The following FASTKD1 variants were observed in gnomAD, a reference collection of about 807,000 sequenced individuals.
The protein encoded by FASTKD1 is FAST kinase domain-containing protein 1, mitochondrial.
FASTKD1 carries 94 observed loss-of-function variants against 90.9 expected under a neutral mutation model. That is an observed-to-expected ratio of 1.03 (90% CI 0.88 to 1.23). FASTKD1 has a LOEUF of 1.23. FASTKD1 is among the 50% of genes most tolerant of loss of function. The pLI is 0.00. For synonymous variants in FASTKD1, 319 were observed against 345.8 expected (o/e 0.92, Z 0.86); for missense variants, 945 against 993.5 (o/e 0.95, Z 0.66).
rs1683238460 is a variant in FASTKD1 at position 169,555,131 on chromosome 2, G to C, written c.1207C>G (p.Leu403Val). ...TTTCTATTTTAATCTTACCTAAGCA[G>C]TAATTCTCTAAGTTTCGCAAAAAAC... ...KEFFAKLREL[L>V]LSYLKNSFIP... The change falls in exon 7 of 15, where the codon CTG becomes GTG. Residue 403 changes from leucine (L) to valine (V), a missense_variant. By Grantham distance (32) the Leu-to-Val change is conservative. Coordinates refer to ENST00000453153, the MANE Select transcript of FASTKD1 (RefSeq NM_024622.6). The C allele has an allele frequency of 6.2e-7, 1 of 1,608,208 alleles. No individual in the cohort carries two copies. The highest frequency in any genetic ancestry group is 8.5e-7 in the Non-Finnish European group (1 of 1,178,340).
rs747327499 is a variant in FASTKD1, at chr2:169,546,373, G to A, written c.1546C>T (p.Leu516Phe). The part of the protein sequence containing the change: ...SLKGNTFPES[L>F]LEEMIATLQH... The stretch of plus-strand genomic sequence containing the variant: ...AAAGTAGCAATCATTTCTTCAAGAA[G>A]TGACTCAGGAAACGTGTTTCCTTTG... Residue 516 changes from leucine to phenylalanine, a missense_variant, in exon 8 of 15, where the codon CTT becomes TTT. Physicochemically the swap from Leu to Phe is conservative, Grantham distance 22. Coordinates refer to ENST00000453153, the MANE Select transcript of FASTKD1 (RefSeq NM_024622.6). 7.4e-6 allele frequency: 12 copies of A among 1,614,072 alleles called. No homozygotes were observed. The highest frequency in any genetic ancestry group is 9.3e-6 in the Non-Finnish European group (11 of 1,179,980).
intron 13 of FASTKD1, chr2:169,531,042 T>A: frequency 1.5e-6 from 1 of 671,534 alleles, no homozygotes; most frequent in Non-Finnish European, 2.8e-6. Flanking sequence ...GTTACTGTAA[T>A]GCAGTGTAGG....
chr2:169,560,888 G>T (rs1270961614), intron 4 of FASTKD1, 103 bp from the exon 5 acceptor site: 5 of 924,100 alleles, frequency 5.4e-6, no homozygotes, highest in Non-Finnish European at 7.2e-6. Flanking sequence ...TTGCTATGTT[G>T]CCAGGGCTGG....
intron 2 of FASTKD1, among the ~76,000 whole-genome samples, chr2:169,570,749 C>T (rs549858539): frequency 1.3e-5 from 2 of 149,042 alleles, no homozygotes; most frequent in African/African-American, 4.9e-5. Context: ...GATCTGTGCT[C>T]ACTGCAACCT....
intron 6 of FASTKD1, among the ~76,000 whole-genome samples, chr2:169,556,606 T>C (rs1164245895): frequency 6.6e-6 from 1 of 151,984 alleles, no homozygotes; most frequent in Non-Finnish European, 1.5e-5. Context: ...GGTGGATCAC[T>C]TGAGGTCAGG....
At chr2:169,563,172 TC>T (rs1469139091) in intron 4 of FASTKD1, 52 bp downstream of exon 4, 3 of 1,567,546 alleles carry the variant, frequency 1.9e-6, no homozygotes, top group Non-Finnish European at 2.6e-6. Context: ...TGCATCCACA[TC>T]CAAAGCCCAG....
chr2:169,551,992 T>C (rs927607102), intron 7 of FASTKD1, among the ~76,000 whole-genome samples: 2 of 152,194 alleles, frequency 1.3e-5, no homozygotes, highest in Admixed American at 6.5e-5. Context: ...ATGAAAACTC[T>C]GGGTTCTTTG....
At chr2:169,560,113 G>A (rs1441000744) in intron 5 of FASTKD1, among the ~76,000 whole-genome samples, 1 of 152,134 alleles carries the variant, frequency 6.6e-6, no homozygotes, top group Non-Finnish European at 1.5e-5. Flanking sequence ...TAGCACAAAA[G>A]GGAGAATAAA....
At chr2:169,552,959 C>A (rs1168446059) in intron 7 of FASTKD1, among the ~76,000 whole-genome samples, 2 of 152,110 alleles carry the variant, frequency 1.3e-5, no homozygotes, top group Non-Finnish European at 2.9e-5. Context: ...GTAATCCCAG[C>A]ACTTTCGGAG....
chr2:169,571,204 C>G (rs896211549), intron 2 of FASTKD1: 9 of 150,536 alleles, frequency 6.0e-5, no homozygotes, highest in Admixed American at 2.0e-4. Flanking sequence ...CAAAACAAAA[C>G]AAAACAAAAC....
At chr2:169,570,429 G>A (rs1324228049) in intron 2 of FASTKD1, among the ~76,000 whole-genome samples, 1 of 151,816 alleles carries the variant, frequency 6.6e-6, no homozygotes, top group Non-Finnish European at 1.5e-5. Context: ...CTGACACCAA[G>A]GAAGCCCTTC....
At chr2:169,534,729 G>T (rs1194414800) in intron 12 of FASTKD1, among the ~76,000 whole-genome samples, 1 of 152,104 alleles carries the variant, frequency 6.6e-6, no homozygotes, top group African/African-American at 2.4e-5. Context: ...AAAGTGCTGG[G>T]ATTACAGGCG....
In FASTKD1 at chr2:169,529,699, T is replaced by C. The variant is rs568676824; in HGVS notation, c.*126A>G. 4.5e-4 allele frequency: 292 copies of C among 645,624 alleles called. No individual in the cohort carries two copies. The African/African-American group carries it at 4.8e-3, about 11-fold the overall frequency. The allele number at this position is 645,624 out of a possible 1,614,324, so 40.0% of individuals were successfully genotyped here. A position where few individuals can be genotyped will look rare whatever the true frequency, so the allele number is the denominator to read the frequency against. On this transcript the variant is annotated 3_prime_UTR_variant, in exon 15 of 15. Coordinates refer to ENST00000453153, the MANE Select transcript of FASTKD1 (RefSeq NM_024622.6). ...TGCTCCAGCCACACTGGATCCTTTG[T>C]TATTCTCAAACATGCCAGGCATGTT...
intron 7 of FASTKD1, among the ~76,000 whole-genome samples, chr2:169,551,392 C>T (rs1215220250): frequency 6.6e-6 from 1 of 151,666 alleles, no homozygotes; most frequent in African/African-American, 2.4e-5. Flanking sequence ...TATCCATCAA[C>T]AATAGAATAA....
intron 5 of FASTKD1, among the ~76,000 whole-genome samples, chr2:169,558,854 G>T (rs970631809): frequency 6.6e-6 from 1 of 152,038 alleles, no homozygotes; most frequent in African/African-American, 2.4e-5. Flanking sequence ...CTCCCAAAGT[G>T]CTGAGATTAC....
At chr2:169,547,821 G>A (rs1280804805) in intron 7 of FASTKD1, among the ~76,000 whole-genome samples, 1 of 140,832 alleles carries the variant, frequency 7.1e-6, no homozygotes, top group Non-Finnish European at 1.5e-5. Flanking sequence ...GGAGGTGGAG[G>A]TTGCAGTGAG....
chr2:169,572,802 T>C (rs1684291366), intron 1 of FASTKD1, among the ~76,000 whole-genome samples: 1 of 152,006 alleles, frequency 6.6e-6, no homozygotes, highest in Non-Finnish European at 1.5e-5. Flanking sequence ...GCTGAAACAA[T>C]AAAAGAACTA....
intron 5 of FASTKD1, among the ~76,000 whole-genome samples, chr2:169,557,615 G>A (rs1683383127): frequency 6.6e-6 from 1 of 152,152 alleles, no homozygotes; most frequent in African/African-American, 2.4e-5. Context: ...ATGATTCAGT[G>A]AAATTATTCA....
intron 3 of FASTKD1, 150 bp from the exon 4 acceptor site, chr2:169,563,500 C>A: frequency 2.3e-6 from 1 of 443,050 alleles, no homozygotes; most frequent in Non-Finnish European, 3.6e-6. Flanking sequence ...AACATGGCAA[C>A]AGTTAAAAAG....
Sources: allele counts gnomAD v4.1 joint callset (sites outside exome capture counted in the v4.1 genomes callset), GRCh38; gene constraint gnomAD v4.1.1; transcripts MANE v1.5; gene names NCBI Gene and HGNC (gene_info 2026-07-23, HGNC 2026-07-21).